SPAG16: variants seen among roughly 807,000 people sequenced by gnomAD.
SPAG16 encodes the protein sperm-associated antigen 16 protein.
In SPAG16, 86 loss-of-function variants were observed where a neutral mutation model predicts 80.4. That is an observed-to-expected ratio of 1.07 (90% CI 0.90 to 1.28). SPAG16 has a LOEUF of 1.28. SPAG16 is among the 50% of genes most tolerant of loss of function. The pLI, the probability that SPAG16 is intolerant of heterozygous loss-of-function variation, is 0.00. For missense variants in SPAG16, 870 were observed against 765.3 expected, an observed-to-expected ratio of 1.14 and a Z score of -1.61; for synonymous variants, 294 against 265.9, an observed-to-expected ratio of 1.11 and a Z score of -1.03.
intron 13 of SPAG16, among the ~76,000 whole-genome samples, chr2:214,061,931 G>T (rs979899224): frequency 6.8e-6 from 1 of 147,844 alleles, no homozygotes; most frequent in African/African-American, 2.5e-5. Context: ...CCCAGTGTTT[G>T]TTATCCAATA....
intron 8 of SPAG16, among the ~76,000 whole-genome samples, chr2:213,365,914 G>A (rs1352760757): frequency 4.0e-5 from 6 of 150,558 alleles, no homozygotes; most frequent in East Asian, 3.9e-4. Context: ...AGGCTGAGGC[G>A]GGCGGATCAC....
intron 12 of SPAG16, among the ~76,000 whole-genome samples, chr2:213,988,016 C>A (rs959186033): frequency 6.6e-6 from 1 of 151,504 alleles, no homozygotes; most frequent in Non-Finnish European, 1.5e-5. Context: ...CAAAAACTAA[C>A]CAGCTGAAGT....
intron 13 of SPAG16, among the ~76,000 whole-genome samples, chr2:214,076,884 G>A (rs75930366): frequency 0.073 from 11,042 of 152,108 alleles, 575 homozygotes; most frequent in Non-Finnish European, 0.11. Context: ...CTTGTACCCT[G>A]ATCAATAGCA....
At chr2:213,347,835 T>C (rs565436708) in intron 6 of SPAG16, among the ~76,000 whole-genome samples, 75 of 152,250 alleles carry the variant, frequency 4.9e-4, no homozygotes, top group African/African-American at 1.7e-3. Flanking sequence ...ATAAGTACGG[T>C]GTGGTGCTGA....
chr2:214,322,230 C>G (rs1247163778), intron 15 of SPAG16, among the ~76,000 whole-genome samples: 1 of 152,136 alleles, frequency 6.6e-6, no homozygotes, highest in Non-Finnish European at 1.5e-5. Context: ...TCAAGACACT[C>G]AAATATACCA....
intron 10 of SPAG16, among the ~76,000 whole-genome samples, chr2:213,627,186 G>A (rs7572369): frequency 0.43 from 66,094 of 151,950 alleles, 15,279 homozygotes; most frequent in African/African-American, 0.58. Context: ...GATAGAAGCG[G>A]GATCCTCACT....
intron 15 of SPAG16, among the ~76,000 whole-genome samples, chr2:214,256,427 G>A (rs1690688270): frequency 6.6e-6 from 1 of 151,824 alleles, no homozygotes; most frequent in Non-Finnish European, 1.5e-5. Flanking sequence ...TTTACGGTTA[G>A]TGCCTCTTAG....
chr2:213,718,082 T>G (rs934991337), intron 10 of SPAG16, among the ~76,000 whole-genome samples: 5 of 148,758 alleles, frequency 3.4e-5, no homozygotes, highest in African/African-American at 1.2e-4. Flanking sequence ...TGGGAGAAAA[T>G]TTTTGCAACC....
intron 9 of SPAG16, among the ~76,000 whole-genome samples, chr2:213,451,355 A>T (rs2071678831): frequency 6.6e-6 from 1 of 152,120 alleles, no homozygotes; most frequent in Non-Finnish European, 1.5e-5. Flanking sequence ...CTCTATATTA[A>T]TTCTCAAATA....
intron 15 of SPAG16, among the ~76,000 whole-genome samples, chr2:214,364,882 G>A (rs148822492): frequency 9.3e-4 from 141 of 152,188 alleles, no homozygotes; most frequent in African/African-American, 3.3e-3. Flanking sequence ...GCAGAGAGGT[G>A]TACCTTTCTC....
chr2:213,979,205 A>T (rs576545843), intron 12 of SPAG16, among the ~76,000 whole-genome samples: 7 of 152,104 alleles, frequency 4.6e-5, no homozygotes, highest in African/African-American at 1.2e-4. Context: ...TGACTACTAC[A>T]CTACAACTTC....
intron 11 of SPAG16, among the ~76,000 whole-genome samples, chr2:213,897,038 A>G (rs1431091646): frequency 1.3e-5 from 2 of 152,160 alleles, no homozygotes; most frequent in Non-Finnish European, 2.9e-5. Context: ...ACAACAATCT[A>G]TTGTATATTT....
At chr2:214,227,138 C>T (rs1196930481) in intron 15 of SPAG16, among the ~76,000 whole-genome samples, 1 of 151,902 alleles carries the variant, frequency 6.6e-6, no homozygotes, top group Non-Finnish European at 1.5e-5. Context: ...AAACTTCATG[C>T]CTAGAATCTG....
At chr2:213,676,446 T>C (rs926222436) in intron 10 of SPAG16, among the ~76,000 whole-genome samples, 1 of 149,498 alleles carries the variant, frequency 6.7e-6, no homozygotes, top group Admixed American at 6.6e-5. Flanking sequence ...AGAGAGGGCA[T>C]CCCTGTCTTG....
intron 14 of SPAG16, among the ~76,000 whole-genome samples, chr2:214,116,297 T>C (rs2053930428): frequency 6.6e-6 from 1 of 152,214 alleles, no homozygotes; most frequent in Non-Finnish European, 1.5e-5. Context: ...AGGTTCCACA[T>C]GAGGACTGCT....
intron 13 of SPAG16, among the ~76,000 whole-genome samples, chr2:214,046,232 C>T (rs1165684570): frequency 1.3e-5 from 2 of 151,952 alleles, no homozygotes; most frequent in Admixed American, 6.6e-5. Flanking sequence ...AAAGAAAGTC[C>T]AGGACTCAAT....
At chr2:213,834,907 T>G (rs148768910) in intron 10 of SPAG16, among the ~76,000 whole-genome samples, 2 of 152,172 alleles carry the variant, frequency 1.3e-5, no homozygotes, top group Admixed American at 1.3e-4. Flanking sequence ...GTTTCTATTC[T>G]TGTGGGGTTG....
In SPAG16 at chr2:213,284,636, G is replaced by C; in HGVS notation, c.136+17G>C. On this transcript the variant is annotated intron_variant, in intron 1 of 15. Coordinates refer to ENST00000331683, the MANE Select transcript of SPAG16 (RefSeq NM_024532.5). ...ACCTGGAACGTATCCTTCCCGTGGA[G>C]GCGCGGCCCGCTGCGCTGGCGGGTA... The C allele has an allele frequency of 2.5e-6, 4 of 1,601,134 alleles. No individual in the cohort carries two copies. Among genetic ancestry groups the C allele is most frequent in the Non-Finnish European group, 3.4e-6 (4 of 1,174,434 alleles).
intron 10 of SPAG16, among the ~76,000 whole-genome samples, chr2:213,584,203 A>G (rs2060389317): frequency 6.6e-6 from 1 of 151,736 alleles, no homozygotes; most frequent in Admixed American, 6.6e-5. Context: ...TACTAGTCCA[A>G]CTAGCATGCC....
Sources: allele counts gnomAD v4.1 joint callset (sites outside exome capture counted in the v4.1 genomes callset), GRCh38; gene constraint gnomAD v4.1.1; transcripts MANE v1.5; gene names NCBI Gene and HGNC (gene_info 2026-07-23, HGNC 2026-07-21).